The following WWOX variants were observed in gnomAD, a reference collection of about 807,000 sequenced individuals.
WWOX encodes WW domain containing oxidoreductase.
In WWOX, 69 loss-of-function variants were observed where a neutral mutation model predicts 46.2. The observed-to-expected ratio is 1.49, with a 90% CI of 1.23 to 1.82. The LOEUF (loss-of-function observed/expected upper bound fraction) is 1.82, where lower values mean the gene tolerates loss of function less well. Ranked by LOEUF, WWOX falls within the 40% of genes most tolerant of loss-of-function variation. The probability of loss-of-function intolerance (pLI) is 0.00; values close to 1 mark genes in which losing one functional copy is unlikely to be tolerated. For missense variants in WWOX, 919 were observed against 542.6 expected (o/e 1.69, Z -6.89); for synonymous variants, 359 against 202.6 (o/e 1.77, Z -6.56).
At chr16:79,052,200 C>A (rs1339673904) in intron 8 of WWOX, among the ~76,000 whole-genome samples, 2 of 151,542 alleles carry the variant, frequency 1.3e-5, no homozygotes, top group Non-Finnish European at 2.9e-5. Context: ...TCCCCCCACC[C>A]CACCACAGTC....
chr16:78,714,809 G>A lies in WWOX; in HGVS notation c.1056+282057G>A, dbSNP rs74939958. Reference sequence around the variant, plus strand: ...CACAGAGCCTTGTAAACCAAGGTGAGGACTTAAGATTTTATTCTAGCTGCA... The same window carrying A: ...CACAGAGCCTTGTAAACCAAGGTGAAGACTTAAGATTTTATTCTAGCTGCA... On this transcript the variant is annotated intron_variant, in intron 8 of 8. Coordinates refer to ENST00000566780, the MANE Select transcript of WWOX (RefSeq NM_016373.4). 9.9e-4 allele frequency among the ~76,000 whole-genome samples: 150 copies of A among 152,278 alleles called. No individual in the cohort carries two copies. The East Asian group carries it at 0.025, about 25-fold the overall frequency.
chr16:78,182,922 G>A (rs946962628), intron 5 of WWOX, among the ~76,000 whole-genome samples: 6 of 144,228 alleles, frequency 4.2e-5, no homozygotes, highest in Admixed American at 1.4e-4. Context: ...CTGCACTTCA[G>A]CCTGGGTGAC....
chr16:78,880,827 A>G (rs1390197549), intron 8 of WWOX, among the ~76,000 whole-genome samples: 2 of 152,140 alleles, frequency 1.3e-5, no homozygotes, highest in African/African-American at 2.4e-5. Flanking sequence ...GTATGTTTCT[A>G]AGTTGGGATC....
At chr16:78,439,608 C>T (rs1298171462) in intron 8 of WWOX, among the ~76,000 whole-genome samples, 1 of 152,200 alleles carries the variant, frequency 6.6e-6, no homozygotes, top group African/African-American at 2.4e-5. Flanking sequence ...ACTGCAGCCT[C>T]TACTCCCTTT....
chr16:78,805,557 A>G (rs1191260053), intron 8 of WWOX, among the ~76,000 whole-genome samples: 1 of 151,208 alleles, frequency 6.6e-6, no homozygotes, highest in Non-Finnish European at 1.5e-5. Context: ...TGCTGGGATT[A>G]CAGGCGTGAG....
intron 8 of WWOX, among the ~76,000 whole-genome samples, chr16:78,882,195 A>G (rs2044356863): frequency 6.6e-6 from 1 of 152,234 alleles, no homozygotes; most frequent in African/African-American, 2.4e-5. Flanking sequence ...ATTATTAAGA[A>G]TAAGTGTCAT....
chr16:78,236,416 T>C (rs549650615), intron 5 of WWOX, among the ~76,000 whole-genome samples: 12 of 152,308 alleles, frequency 7.9e-5, no homozygotes, highest in African/African-American at 2.2e-4. Flanking sequence ...ACAGTTGGCT[T>C]TGCTTTTTTG....
intron 8 of WWOX, among the ~76,000 whole-genome samples, chr16:78,632,907 A>T (rs905972165): frequency 6.6e-6 from 1 of 152,044 alleles, no homozygotes; most frequent in South Asian, 2.1e-4. Context: ...GCTACGTGTA[A>T]TAGAAAGGTA....
chr16:79,195,637 G>A (rs867290870), intron 8 of WWOX, among the ~76,000 whole-genome samples: 1 of 152,230 alleles, frequency 6.6e-6, no homozygotes, highest in African/African-American at 2.4e-5. Flanking sequence ...GCAGGGATGG[G>A]GGAAAGGGAG....
chr16:78,202,289 C>A (rs574637300), intron 5 of WWOX, among the ~76,000 whole-genome samples: 1 of 152,182 alleles, frequency 6.6e-6, no homozygotes, highest in African/African-American at 2.4e-5. Flanking sequence ...GACCATGAGG[C>A]CTCTGGTAGA....
At chr16:79,054,262 G>A (rs1002533683) in intron 8 of WWOX, among the ~76,000 whole-genome samples, 1 of 152,158 alleles carries the variant, frequency 6.6e-6, no homozygotes, top group African/African-American at 2.4e-5. Context: ...GTGTCTATAC[G>A]ATAGCTACTT....
intron 8 of WWOX, among the ~76,000 whole-genome samples, chr16:78,689,504 C>G (rs1458400941): frequency 6.6e-6 from 1 of 152,228 alleles, no homozygotes; most frequent in African/African-American, 2.4e-5. Flanking sequence ...CTCCTCTCTC[C>G]TTGCTGGATC....
Position 78,321,213 on chromosome 16 carries a change from C to A in WWOX, c.517-65647C>A, listed in dbSNP as rs575560340. Among the ~76,000 whole-genome samples the A allele has an allele frequency of 7.9e-5, 12 of 151,156 alleles. 3 individuals are homozygous for A. Among genetic ancestry groups the A allele is most frequent in the Non-Finnish European group, 1.3e-4 (9 of 67,860 alleles). ...AACAGGAGTTTTAGAAGCTGAGTAC[C>A]ACCCACTCCCTTGCTCCACAATTCT... On this transcript the variant is annotated intron_variant, in intron 5 of 8. Transcript: ENST00000566780.
intron 8 of WWOX, among the ~76,000 whole-genome samples, chr16:79,131,479 A>C (rs2049877350): frequency 6.6e-6 from 1 of 152,124 alleles, no homozygotes; most frequent in African/African-American, 2.4e-5. Context: ...AATTTATGAA[A>C]TGTTAAGCAA....
chr16:79,204,487 A>G (rs1157932049), intron 8 of WWOX: 1 of 152,208 alleles, frequency 6.6e-6, no homozygotes, highest in Non-Finnish European at 1.5e-5. Context: ...AAGATAAAAT[A>G]ATTCTGAATG....
intron 8 of WWOX, chr16:78,898,522 G>C (rs1161458619): frequency 1.3e-5 from 2 of 152,050 alleles, no homozygotes; most frequent in East Asian, 1.9e-4. Context: ...CTTACTGCTC[G>C]ATTGCCTGGA....
intron 4 of WWOX, among the ~76,000 whole-genome samples, chr16:78,131,273 C>T (rs1360350595): frequency 1.3e-5 from 2 of 152,144 alleles, no homozygotes; most frequent in East Asian, 1.9e-4. Context: ...AGTGCATCAG[C>T]GTGATCATAG....
chr16:78,820,981 T>A (rs1475875226), intron 8 of WWOX, among the ~76,000 whole-genome samples: 1 of 152,190 alleles, frequency 6.6e-6, no homozygotes. Context: ...GTCATTGGAC[T>A]TAGGACCCAC....
chr16:78,713,754 T>A (rs151076166), intron 8 of WWOX, among the ~76,000 whole-genome samples: 8 of 152,266 alleles, frequency 5.3e-5, no homozygotes, highest in Non-Finnish European at 1.0e-4. Flanking sequence ...TTCAGAACTG[T>A]GAGAAAATCA....
Sources: gnomAD v4.1 joint callset for allele counts (sites outside exome capture counted in the v4.1 genomes callset) on GRCh38, gnomAD v4.1.1 for gene constraint, MANE v1.5 for transcripts, NCBI Gene and HGNC (gene_info 2026-07-23, HGNC 2026-07-21) for gene names.